PTPRM: variants seen among roughly 807,000 people sequenced by gnomAD.
The protein encoded by PTPRM is receptor-type tyrosine-protein phosphatase mu.
A neutral mutation model predicts 186.7 loss-of-function variants in PTPRM; 47 were observed. The observed-to-expected ratio is 0.25, with a 90% CI of 0.20 to 0.32. The LOEUF (loss-of-function observed/expected upper bound fraction) is 0.32. Among genes scored for constraint, PTPRM ranks in the 10% least tolerant of loss-of-function variants. The pLI is 1.00. For missense variants in PTPRM, 1,494 were observed against 1,865.0 expected (o/e 0.80, Z 3.66); for synonymous variants, 668 against 674.9 (o/e 0.99, Z 0.16).
intron 7 of PTPRM, among the ~76,000 whole-genome samples, chr18:7,961,147 A>G (rs1336714945): frequency 1.3e-5 from 2 of 151,908 alleles, no homozygotes; most frequent in Non-Finnish European, 2.9e-5. Flanking sequence ...ATCCAGTTAC[A>G]CTCTTTGTTA....
intron 7 of PTPRM, among the ~76,000 whole-genome samples, chr18:8,046,023 A>C (rs752514249): frequency 6.6e-6 from 1 of 152,078 alleles, no homozygotes; most frequent in Non-Finnish European, 1.5e-5. Flanking sequence ...ATGGGGAGGT[A>C]ATCGGATCGT....
Position 8,237,431 on chromosome 18 carries a change from A to ATTTTTTT in PTPRM, c.2301-6602_2301-6596dup, listed in dbSNP as rs59073560. ...GATCTGCTGGCAACTGATTCCCTCAATTTTTTTTTTTTTTTTTTTTTTTTT... is the reference window on the plus strand; with the variant it reads ...GATCTGCTGGCAACTGATTCCCTCAATTTTTTTTTTTTTTTTTTTTTTTTTTTTTTTT... On this transcript the variant is annotated intron_variant, in intron 14 of 32. Transcript: ENST00000580170. Among the ~76,000 whole-genome samples, 35 of 71,670 alleles carry ATTTTTTT rather than the reference A, an allele frequency of 4.9e-4. 3 individuals carry two copies. The highest frequency in any genetic ancestry group is 1.6e-3 in the South Asian group (3 of 1,894). 47.0% of individuals were successfully genotyped at this position (71,670 alleles called of 152,430 possible). A position where few individuals can be genotyped will look rare whatever the true frequency, so the allele number is the denominator to read the frequency against.
At chr18:8,308,279 A>G (rs1217995506) in intron 20 of PTPRM, among the ~76,000 whole-genome samples, 1 of 152,354 alleles carries the variant, frequency 6.6e-6, no homozygotes, top group African/African-American at 2.4e-5. Context: ...CTAATTGGCT[A>G]CAGCTAGGCA....
intron 14 of PTPRM, among the ~76,000 whole-genome samples, chr18:8,229,105 A>G (rs1013853708): frequency 2.6e-5 from 4 of 152,032 alleles, no homozygotes; most frequent in African/African-American, 9.7e-5. Flanking sequence ...TATGTTTATC[A>G]TATATTTTTT....
intron 1 of PTPRM, among the ~76,000 whole-genome samples, chr18:7,587,316 A>C (rs182001014): frequency 6.6e-6 from 1 of 152,118 alleles, no homozygotes; most frequent in Non-Finnish European, 1.5e-5. Context: ...TTTCATTTTT[A>C]TAAATAGGTA....
At chr18:8,087,206 G>A (rs948874024) in intron 10 of PTPRM, among the ~76,000 whole-genome samples, 4 of 152,006 alleles carry the variant, frequency 2.6e-5, no homozygotes, top group South Asian at 2.1e-4. Flanking sequence ...TATATACCTC[G>A]AAGCATGTTT....
In PTPRM at chr18:8,354,033, GAAAC is replaced by G. The variant is rs1305430558; in HGVS notation, c.3054+10514_3054+10517del. ...TTGAGTCCAGCCTGGCCAACATGGT[GAAAC>G]CCCATCTCTACTAAAACCACAAAAA... On this transcript the variant is annotated intron_variant, in intron 23 of 32. Coordinates refer to ENST00000580170, the MANE Select transcript of PTPRM (RefSeq NM_001105244.2). Among the ~76,000 whole-genome samples the G allele has an allele frequency of 2.6e-5, 4 of 152,132 alleles. No individual in the cohort carries two copies. The East Asian group carries it at 7.7e-4, about 29-fold the overall frequency.
At chr18:8,178,998 A>C (rs929375081) in intron 14 of PTPRM, among the ~76,000 whole-genome samples, 4 of 152,262 alleles carry the variant, frequency 2.6e-5, no homozygotes, top group African/African-American at 9.6e-5. Flanking sequence ...TTCTTTACTT[A>C]CCACAGGTCA....
chr18:7,658,330 T>TTTTA (rs71354562), intron 1 of PTPRM, among the ~76,000 whole-genome samples: 4 of 124,440 alleles, frequency 3.2e-5, no homozygotes, highest in African/African-American at 9.2e-5. Context: ...TAAAGTAAAT[T>TTTTA]TATATATATA....
chr18:7,611,191 TAAAA>T (rs143610791), intron 1 of PTPRM, among the ~76,000 whole-genome samples: 1 of 151,910 alleles, frequency 6.6e-6, no homozygotes, highest in Admixed American at 6.6e-5. Context: ...GTCAAAAAGT[TAAAA>T]AAAATTAAAA....
intron 14 of PTPRM, among the ~76,000 whole-genome samples, chr18:8,213,380 A>T (rs138464700): frequency 1.3e-5 from 2 of 152,368 alleles, no homozygotes; most frequent in East Asian, 3.9e-4. Context: ...AGTCATCAAG[A>T]GAAGATTCCA....
At chr18:7,646,676 G>T (rs2038572033) in intron 1 of PTPRM, among the ~76,000 whole-genome samples, 1 of 152,032 alleles carries the variant, frequency 6.6e-6, no homozygotes, top group South Asian at 2.1e-4. Flanking sequence ...TGAAATCCGA[G>T]CTTTCCATTA....
intron 2 of PTPRM, among the ~76,000 whole-genome samples, chr18:7,779,091 C>A (rs945537803): frequency 1.1e-4 from 16 of 152,242 alleles, no homozygotes; most frequent in African/African-American, 3.9e-4. Context: ...TTATCAAATT[C>A]ATCTACAATA....
intron 14 of PTPRM, among the ~76,000 whole-genome samples, chr18:8,205,189 C>T (rs778651088): frequency 2.0e-5 from 3 of 152,044 alleles, no homozygotes; most frequent in Non-Finnish European, 4.4e-5. Flanking sequence ...AAATAGAAAG[C>T]TTTAAGAACT....
chr18:8,130,812 A>G (rs2092485191), intron 13 of PTPRM, among the ~76,000 whole-genome samples: 1 of 152,220 alleles, frequency 6.6e-6, no homozygotes, highest in Non-Finnish European at 1.5e-5. Context: ...GCATGTACAC[A>G]GCAAGTAGTG....
At chr18:8,140,915 C>G (rs896972677) in intron 13 of PTPRM, among the ~76,000 whole-genome samples, 1 of 152,142 alleles carries the variant, frequency 6.6e-6, no homozygotes, top group Non-Finnish European at 1.5e-5. Context: ...TTTTGCCAAG[C>G]AGTTTAGAAA....
At chr18:8,135,275 T>C (rs1392007931) in intron 13 of PTPRM, among the ~76,000 whole-genome samples, 3 of 152,194 alleles carry the variant, frequency 2.0e-5, no homozygotes, top group African/African-American at 7.2e-5. Context: ...ATGATGGAAA[T>C]TGGATCGCTG....
chr18:7,797,870 A>G (rs925235497), intron 2 of PTPRM, among the ~76,000 whole-genome samples: 5 of 152,342 alleles, frequency 3.3e-5, no homozygotes, highest in Admixed American at 2.6e-4. Context: ...TGCTGCCAGC[A>G]CTGGTGGACA....
intron 7 of PTPRM, among the ~76,000 whole-genome samples, chr18:7,962,931 G>A (rs573272569): frequency 2.0e-5 from 3 of 152,264 alleles, no homozygotes; most frequent in South Asian, 2.1e-4. Context: ...GCTGTTATTC[G>A]GAAGGCATAA....
Sources: gnomAD v4.1 joint callset for allele counts (sites outside exome capture counted in the v4.1 genomes callset) on GRCh38, gnomAD v4.1.1 for gene constraint, MANE v1.5 for transcripts, NCBI Gene and HGNC (gene_info 2026-07-23, HGNC 2026-07-21) for gene names.